The following FRYL variants were observed in gnomAD, a reference collection of about 807,000 sequenced individuals.
FRYL encodes the protein FRY like transcription coactivator.
Under a neutral mutation model 351.2 loss-of-function variants are expected in FRYL, and 150 were observed. The observed-to-expected ratio is 0.43, with a 90% CI of 0.37 to 0.49. The LOEUF (loss-of-function observed/expected upper bound fraction) is 0.49. FRYL is among the 20% of genes least tolerant of loss of function. The probability of loss-of-function intolerance (pLI) is 0.00; values close to 1 mark genes in which losing one functional copy is unlikely to be tolerated. For synonymous variants in FRYL, 1,153 were observed against 1,257.1 expected, an observed-to-expected ratio of 0.92 and a Z score of 1.75; for missense variants, 3,036 against 3,619.3, an observed-to-expected ratio of 0.84 and a Z score of 4.13.
At chr4:48,776,877 G>A (rs1268765150) in intron 1 of FRYL, among the ~76,000 whole-genome samples, 2 of 152,078 alleles carry the variant, frequency 1.3e-5, no homozygotes, top group African/African-American at 4.8e-5. Flanking sequence ...CTAAAGCCAT[G>A]AAAACTTGTC....
Position 48,515,083 on chromosome 4 carries a change from T to C in FRYL, c.7882A>G (p.Lys2628Glu). 1 of 1,611,848 alleles carries C rather than the reference T, an allele frequency of 6.2e-7. No individual in the cohort carries two copies. Among genetic ancestry groups the C allele is most frequent in the Non-Finnish European group, 8.5e-7 (1 of 1,177,956 alleles). Residue 2628 changes from lysine to glutamate, a missense_variant, in exon 56 of 64, where the codon AAA becomes GAA. Transcript: ENST00000358350. ...TCTTCACATCTTTCATCTAGCTCTT[T>C]CAGAGCTAAGGTAACATCCTCTTCA... ...VCEEDVTLAL[K>E]ELDERCEEEE...
chr4:48,572,005 A>C, intron 26 of FRYL: 1 of 984,860 alleles, frequency 1.0e-6, no homozygotes, highest in Non-Finnish European at 1.2e-6. Flanking sequence ...ACAAAAATCA[A>C]ATCAATGACA....
intron 1 of FRYL, among the ~76,000 whole-genome samples, chr4:48,773,190 T>C (rs545308726): frequency 1.3e-5 from 2 of 152,316 alleles, no homozygotes; most frequent in South Asian, 2.1e-4. Flanking sequence ...ACTTAGCAAG[T>C]AGTCAACAGA....
intron 1 of FRYL, among the ~76,000 whole-genome samples, chr4:48,775,585 C>T (rs1429934867): frequency 3.9e-5 from 6 of 152,110 alleles, no homozygotes; most frequent in African/African-American, 9.7e-5. Flanking sequence ...AACTGTAGCC[C>T]CCTTTTTATA....
At chr4:48,746,127 C>T (rs746476081) in intron 1 of FRYL, among the ~76,000 whole-genome samples, 9 of 152,152 alleles carry the variant, frequency 5.9e-5, no homozygotes, top group Non-Finnish European at 1.2e-4. Flanking sequence ...CGTGCGTGAA[C>T]AGCAAAGGCA....
At position 48,549,419 on chromosome 4, in the gene FRYL, C is replaced by A; in HGVS notation, c.4784+54G>T. On this transcript the variant is annotated intron_variant, in intron 39 of 63. Transcript: ENST00000358350. This position sits in a 1 kb window ranked among gnomAD's most constrained non-coding sequence, Gnocchi z 4.2. ...TGTCAGATAGCACAAAGAAAGCCGA[C>A]AGTGTTCAGCAGCAACTTGGTGCAT... 2 of 1,521,224 alleles carry A rather than the reference C, an allele frequency of 1.3e-6. No homozygotes were observed. The highest frequency in any genetic ancestry group is 1.8e-6 in the Non-Finnish European group (2 of 1,125,226). The allele number at this position is 1,521,224 out of a possible 1,614,324, so 94.2% of individuals were successfully genotyped here. A position where few individuals can be genotyped will look rare whatever the true frequency, so the allele number is the denominator to read the frequency against.
intron 1 of FRYL, among the ~76,000 whole-genome samples, chr4:48,716,566 A>T (rs573032933): frequency 6.6e-6 from 1 of 151,566 alleles, no homozygotes; most frequent in Non-Finnish European, 1.5e-5. Context: ...CAAAAACCAC[A>T]ATGAGATATC....
At chr4:48,701,499 A>G (rs7670939) in intron 2 of FRYL, among the ~76,000 whole-genome samples, 77,576 of 151,978 alleles carry the variant, frequency 0.51, 20,251 homozygotes, top group South Asian at 0.61. Context: ...ATTGAATAAG[A>G]GAGAGACAGA....
intron 3 of FRYL, chr4:48,681,082 T>A (rs1421735721): frequency 7.9e-7 from 1 of 1,270,906 alleles, no homozygotes; most frequent in South Asian, 1.3e-5. Flanking sequence ...CAAAACCACA[T>A]CTCCCGAAAG....
At chr4:48,719,202 T>G (rs1246932429) in intron 1 of FRYL, among the ~76,000 whole-genome samples, 4 of 151,648 alleles carry the variant, frequency 2.6e-5, no homozygotes, top group Non-Finnish European at 4.4e-5. Context: ...TGGAAGAGAC[T>G]AAACTGCCAG....
At position 48,542,136 on chromosome 4, in the gene FRYL, G is replaced by A. The variant is rs1487048207; in HGVS notation, c.5593-15C>T. 1 of 1,578,954 alleles carries A rather than the reference G, an allele frequency of 6.3e-7. No individual in the cohort carries two copies. The highest frequency in any genetic ancestry group is 8.7e-7 in the Non-Finnish European group (1 of 1,148,382). On this transcript the variant is annotated splice_polypyrimidine_tract_variant and intron_variant, in intron 44 of 63. Coordinates refer to ENST00000358350, the MANE Select transcript of FRYL (RefSeq NM_015030.2). ...ATCACAAATCCCTGGGGGGAAAAAG[G>A]CAGATTTTAATTAATTATGCTCTGG...
At position 48,556,995 on chromosome 4, in the gene FRYL, G is replaced by A; in HGVS notation, c.4249C>T (p.Pro1417Ser). 6.3e-7 allele frequency: 1 copy of A among 1,596,704 alleles called. No individual in the cohort carries two copies. Among genetic ancestry groups the A allele is most frequent in the Non-Finnish European group, 8.5e-7 (1 of 1,169,646 alleles). ...LISICGVNSE[P>S]SLLPYVKKVI... is the part of the protein sequence containing the mutation. ...ATACATACGTAAGGCAAGAGGCTTG[G>A]TTCGCTATTCACCCCACAAATGCTG... The change falls in exon 35 of 64, where the codon CCA becomes TCA. Residue 1417 changes from proline to serine, a missense_variant. Physicochemically the swap from Pro to Ser is moderately conservative, Grantham distance 74. Transcript: ENST00000358350.
chr4:48,546,325 T>C, intron 41 of FRYL, 54 bp from the exon 42 acceptor site: 4 of 1,348,720 alleles, frequency 3.0e-6, no homozygotes, highest in South Asian at 2.4e-5. Context: ...TCTCACAAAA[T>C]ACCTATAGAA....
rs1769192476 is a variant in FRYL at position 48,719,145 on chromosome 4, C to T, written c.-383-8447G>A. 2.0e-5 allele frequency among the ~76,000 whole-genome samples: 3 copies of T among 151,558 alleles called. No individual in the cohort carries two copies. In the South Asian group the frequency reaches 6.2e-4, roughly 32 times the overall value. ...GGTAATTCAATGGTGTCTCCCAGTG[C>T]CTACAGAAAACAGTTCAGGAATTCA... On this transcript the variant is annotated intron_variant, in intron 1 of 63. Coordinates refer to ENST00000358350, the MANE Select transcript of FRYL (RefSeq NM_015030.2).
intron 1 of FRYL, among the ~76,000 whole-genome samples, chr4:48,712,774 T>C (rs1156786386): frequency 6.6e-6 from 1 of 151,988 alleles, no homozygotes; most frequent in African/African-American, 2.4e-5. Flanking sequence ...AGACACATAA[T>C]TGTCAGATTC....
intron 2 of FRYL, among the ~76,000 whole-genome samples, chr4:48,696,711 T>C (rs1333020253): frequency 6.6e-6 from 1 of 151,932 alleles, no homozygotes; most frequent in Non-Finnish European, 1.5e-5. Context: ...TATATATACA[T>C]AATCAAATTA....
intron 61 of FRYL, 112 bp from the exon 62 acceptor site, chr4:48,501,845 A>G: frequency 7.1e-6 from 5 of 702,914 alleles, no homozygotes; most frequent in South Asian, 6.8e-5. Flanking sequence ...GCAGTAAGGA[A>G]GTTAATATGG....
At chr4:48,532,833 G>A (rs1472313513) in intron 49 of FRYL, among the ~76,000 whole-genome samples, 4 of 152,120 alleles carry the variant, frequency 2.6e-5, no homozygotes, top group East Asian at 3.9e-4. Flanking sequence ...AAAGACTATC[G>A]ATAATTCAAT....
chr4:48,764,721 T>C (rs1283866822), intron 1 of FRYL, among the ~76,000 whole-genome samples: 2 of 152,090 alleles, frequency 1.3e-5, no homozygotes, highest in African/African-American at 4.8e-5. Context: ...CATAGAAAAA[T>C]ATCCCATGTT....
Sources: allele counts gnomAD v4.1 joint callset (sites outside exome capture counted in the v4.1 genomes callset), GRCh38; gene constraint gnomAD v4.1.1; non-coding constraint Gnocchi (gnomAD v3.1); transcripts MANE v1.5; gene names NCBI Gene and HGNC (gene_info 2026-07-23, HGNC 2026-07-21).